The following RPS6KA6 variants were observed in gnomAD, a reference collection of about 807,000 sequenced individuals.
RPS6KA6 encodes the protein ribosomal protein S6 kinase alpha-6.
In RPS6KA6, 27 loss-of-function variants were observed where a neutral mutation model predicts 65.4. The ratio of observed to expected loss-of-function variants is 0.41; its 90% CI spans 0.30 to 0.57. The LOEUF is 0.57. RPS6KA6 is among the 20% of genes least tolerant of loss of function. The pLI is 0.24. For synonymous variants in RPS6KA6, 190 were observed against 184.2 expected (o/e 1.03, Z -0.26); for missense variants, 486 against 555.6 (o/e 0.87, Z 1.26).
chrX:84,074,769 C>T, intron 20 of RPS6KA6, among the ~76,000 whole-genome samples: 1 of 111,524 alleles, frequency 9.0e-6, no homozygotes, highest in Middle Eastern at 4.6e-3. Context: ...TTGGTATCTT[C>T]TCAAAAATTA....
chrX:84,079,934 GAA>G (rs1469227755), intron 20 of RPS6KA6, among the ~76,000 whole-genome samples: 1 of 112,190 alleles, frequency 8.9e-6, no homozygotes, highest in Admixed American at 9.4e-5. Context: ...TGCCTACTCT[GAA>G]GAGAGCAGTG....
intron 2 of RPS6KA6, among the ~76,000 whole-genome samples, chrX:84,156,888 T>C (rs147176482): frequency 0.062 from 6,899 of 111,420 alleles, 231 homozygotes; most frequent in East Asian, 0.2. Context: ...AGAAGCACAA[T>C]AGCTAGGATG....
chrX:84,083,113 A>G (rs1475222296), intron 20 of RPS6KA6, among the ~76,000 whole-genome samples: 2 of 112,751 alleles, frequency 1.8e-5, no homozygotes, highest in African/African-American at 3.2e-5. Context: ...TAATTAAACT[A>G]AAGAGCTTTT....
intron 8 of RPS6KA6, among the ~76,000 whole-genome samples, chrX:84,125,035 A>T (rs2034754145): frequency 1.8e-5 from 2 of 112,052 alleles, no homozygotes; most frequent in Non-Finnish European, 3.8e-5. Flanking sequence ...ATTACTTTAT[A>T]CTATTATAAC....
chrX:84,099,931 T>C (rs747271599), intron 18 of RPS6KA6, among the ~76,000 whole-genome samples: 1 of 111,205 alleles, frequency 9.0e-6, no homozygotes, highest in Non-Finnish European at 1.9e-5. Context: ...ATAATGAATG[T>C]ATACCCCCAT....
At chrX:84,078,389 T>C (rs1056980569) in intron 20 of RPS6KA6, among the ~76,000 whole-genome samples, 3 of 111,613 alleles carry the variant, frequency 2.7e-5, no homozygotes, top group Admixed American at 9.6e-5. Context: ...TGTAAAACAA[T>C]TGAGTGGTTT....
At position 84,117,449 on chromosome X, in the gene RPS6KA6, T is replaced by C; in HGVS notation, c.795A>G (p.Glu265=). 2.6e-6 allele frequency: 3 copies of C among 1,143,190 alleles called. No individual in the cohort carries two copies. The highest frequency in any genetic ancestry group is 3.5e-6 in the Non-Finnish European group (3 of 849,254). The allele number at this position is 1,143,190 out of a possible 1,213,427, so 94.2% of individuals were successfully genotyped here. The part of the protein sequence containing the change: ...DWWSYGVLMF[E]MLTGTLPFQG... Reference sequence around the variant, plus strand: ...GAAATGGCAGAGTACCAGTAAGCATTTCAAACTAAAACAAACAAACAAAAC... The same window carrying C: ...GAAATGGCAGAGTACCAGTAAGCATCTCAAACTAAAACAAACAAACAAAAC... Residue 265 remains glutamate (E), a synonymous_variant, in exon 10 of 22, where the codon GAA becomes GAG. Coordinates refer to ENST00000262752, the MANE Select transcript of RPS6KA6 (RefSeq NM_014496.5).
intron 20 of RPS6KA6, among the ~76,000 whole-genome samples, chrX:84,073,891 A>C (rs2147340053): frequency 9.0e-6 from 1 of 111,497 alleles, no homozygotes; most frequent in African/African-American, 3.2e-5. Context: ...CCATGGATGT[A>C]AAGAAATGGG....
At chrX:84,065,250 C>T (rs2033375253) in intron 20 of RPS6KA6, 139 bp from the exon 21 acceptor site, 3 of 380,485 alleles carry the variant, frequency 7.9e-6, no homozygotes, top group Non-Finnish European at 1.4e-5. Context: ...AATCTATACT[C>T]TACACAGTTA....
At chrX:84,120,703 C>A (rs6616900) in intron 8 of RPS6KA6, among the ~76,000 whole-genome samples, 6,908 of 111,126 alleles carry the variant, frequency 0.062, 230 homozygotes, top group East Asian at 0.2. Context: ...ATGAATTGGA[C>A]GATTTAATGT....
chrX:84,119,489 A>AT (rs1391401644), intron 9 of RPS6KA6, among the ~76,000 whole-genome samples: 1 of 111,616 alleles, frequency 9.0e-6, no homozygotes, highest in Non-Finnish European at 1.9e-5. Context: ...CAACAGGTTT[A>AT]TAACCTTTCT....
Position 84,164,841 on chromosome X carries a change from C to T in RPS6KA6, c.82-454G>A, listed in dbSNP as rs2035573188. Among the ~76,000 whole-genome samples, 3 of 111,155 alleles carry T rather than the reference C, an allele frequency of 2.7e-5. No homozygotes were observed. In the Admixed American group the frequency reaches 2.9e-4, roughly 11 times the overall value. On this transcript the variant is annotated intron_variant, in intron 1 of 21. Coordinates refer to ENST00000262752, the MANE Select transcript of RPS6KA6 (RefSeq NM_014496.5). ...TAATTAAACATCATGACATACTATA[C>T]AGAAGAAAAAATAAACTATAGGAGA...
At chrX:84,120,115 T>G in intron 8 of RPS6KA6, 88 bp from the exon 9 acceptor site, 1 of 626,299 alleles carries the variant, frequency 1.6e-6, no homozygotes. Flanking sequence ...TATTAAACAT[T>G]ACAATTATTT....
chrX:84,145,591 T>C (rs2147544495), intron 5 of RPS6KA6, 34 bp from the exon 6 acceptor site: 1 of 815,958 alleles, frequency 1.2e-6, no homozygotes, highest in Non-Finnish European at 1.7e-6. Context: ...AACAGGATAA[T>C]CTCAAAGGCT....
At chrX:84,085,276 T>C (rs1391098675) in intron 20 of RPS6KA6, among the ~76,000 whole-genome samples, 4 of 111,767 alleles carry the variant, frequency 3.6e-5, no homozygotes, top group Non-Finnish European at 7.5e-5. Flanking sequence ...CTTGTGCCTG[T>C]TTTCAAGGGG....
At chrX:84,153,805 G>C (rs190456152) in intron 3 of RPS6KA6, among the ~76,000 whole-genome samples, 27 of 110,622 alleles carry the variant, frequency 2.4e-4, no homozygotes, top group African/African-American at 8.9e-4. Context: ...TCATATCCTA[G>C]GGGGAAAAAA....
At position 84,187,972 on chromosome X, in the gene RPS6KA6, T is replaced by TG. The variant is rs978155581; in HGVS notation, c.-74dup. ...CGGCCGCGCATCCTGTCTATTGAAC[T>TG]GGCCCGCCGCCGCCGCCGCCGCCGC... is the stretch of plus-strand genomic sequence containing the variant. On this transcript the variant is annotated 5_prime_UTR_variant, in exon 1 of 22. Transcript: ENST00000262752. 8.5e-5 allele frequency: 67 copies of TG among 789,543 alleles called. No homozygotes were observed. Among genetic ancestry groups the TG allele is most frequent in the Middle Eastern group, 6.7e-4 (2 of 2,979 alleles). 65.1% of individuals were successfully genotyped at this position (789,543 alleles called of 1,213,427 possible). A position where few individuals can be genotyped will look rare whatever the true frequency, so the allele number is the denominator to read the frequency against.
rs1195014244 is a variant in RPS6KA6 at position 84,116,535 on chromosome X, TACTTAA to T, written c.950-254_950-249del. ...TCAAATCAAATAGTATTAAACATAA[TACTTAA>T]ACTTAAATACATATTTTTTCATTCC... On this transcript the variant is annotated intron_variant, in intron 11 of 21. Coordinates refer to ENST00000262752, the MANE Select transcript of RPS6KA6 (RefSeq NM_014496.5). Among the ~76,000 whole-genome samples the T allele has an allele frequency of 3.6e-5, 4 of 111,241 alleles. No individual in the cohort carries two copies. In the East Asian group the frequency reaches 8.4e-4, roughly 23 times the overall value.
chrX:84,094,308 GAAAAAAAAAAAA>G (rs144397619), intron 20 of RPS6KA6, among the ~76,000 whole-genome samples: 1 of 68,515 alleles, frequency 1.5e-5, no homozygotes. Context: ...GCCTTAAAGG[GAAAAAAAAAAAA>G]AAAAAAAAAA....
Sources: allele counts gnomAD v4.1 joint callset (sites outside exome capture counted in the v4.1 genomes callset), GRCh38; gene constraint gnomAD v4.1.1; transcripts MANE v1.5; gene names NCBI Gene and HGNC (gene_info 2026-07-23, HGNC 2026-07-21).